The following TLK1 variants were observed in gnomAD, a reference collection of about 807,000 sequenced individuals.
The protein encoded by TLK1 is serine/threonine-protein kinase tousled-like 1.
TLK1 carries 24 observed loss-of-function variants against 105.3 expected under a neutral mutation model. The observed-to-expected ratio is 0.23, with a 90% confidence interval of 0.17 to 0.32. The LOEUF (loss-of-function observed/expected upper bound fraction) is 0.32, where lower values mean the gene tolerates loss of function less well. Ranked by LOEUF, TLK1 falls within the 10% of genes least tolerant of loss-of-function variation. The probability of loss-of-function intolerance (pLI) is 1.00; values close to 1 mark genes in which losing one functional copy is unlikely to be tolerated. For missense variants in TLK1, 558 were observed against 910.5 expected (o/e 0.61, Z 4.98); for synonymous variants, 321 against 310.4 (o/e 1.03, Z -0.36).
At chr2:171,103,328 G>A (rs958751288) in intron 2 of TLK1, among the ~76,000 whole-genome samples, 6 of 149,542 alleles carry the variant, frequency 4.0e-5, no homozygotes, top group Non-Finnish European at 7.4e-5. Context: ...AGGCTGGAGT[G>A]CAGTGGTGCA....
At chr2:171,015,690 CACACACACAT>C (rs1559343549) in intron 12 of TLK1, among the ~76,000 whole-genome samples, 4 of 3,312 alleles carry the variant, frequency 1.2e-3, no homozygotes, top group South Asian at 0.011. Flanking sequence ...TTCATTCATA[CACACACACAT>C]ATACACACAC....
At chr2:171,073,980 T>A (rs951316943) in intron 3 of TLK1, among the ~76,000 whole-genome samples, 32 of 147,818 alleles carry the variant, frequency 2.2e-4, no homozygotes, top group African/African-American at 7.7e-4. Context: ...AACCTTGGCC[T>A]CCTAGGTTCA....
chr2:171,015,733 CCACCCCT>C (rs1172443767), intron 12 of TLK1, among the ~76,000 whole-genome samples: 58 of 8,160 alleles, frequency 7.1e-3, no homozygotes, highest in African/African-American at 8.9e-3. Flanking sequence ...ACACACACAC[CCACCCCT>C]TTTTTGTCAA....
Position 171,160,614 on chromosome 2 carries a change from G to A in TLK1, c.-186C>T. On this transcript the variant is annotated 5_prime_UTR_variant, in exon 1 of 21. Transcript: ENST00000431350. The surrounding 1 kb of genome is among the most constrained non-coding windows in gnomAD (Gnocchi z 4.4). ...GGGAGGTGGGGAGGAAAGAGGTGAG[G>A]GAAGGAGAGGGGACAGGGAGGAGGG... 2.2e-6 allele frequency: 2 copies of A among 895,782 alleles called. No individual in the cohort carries two copies. Among genetic ancestry groups the A allele is most frequent in the South Asian group, 1.8e-5 (1 of 54,054 alleles). 55.5% of individuals were successfully genotyped at this position (895,782 alleles called of 1,614,324 possible).
intron 2 of TLK1, among the ~76,000 whole-genome samples, chr2:171,095,842 A>C (rs1689430578): frequency 6.6e-6 from 1 of 152,186 alleles, no homozygotes; most frequent in Non-Finnish European, 1.5e-5. Flanking sequence ...AACTCTCAAT[A>C]AACTAGGTAT....
intron 3 of TLK1, among the ~76,000 whole-genome samples, chr2:171,073,597 A>C (rs1688358823): frequency 6.6e-6 from 1 of 152,122 alleles, no homozygotes; most frequent in South Asian, 2.1e-4. Flanking sequence ...TTTCCTTCCA[A>C]GAGACTAATA....
chr2:171,063,938 TGTTTTGTTGTTTAACATACAGATTACTTA>T (rs1194295903), intron 3 of TLK1, among the ~76,000 whole-genome samples: 3 of 152,344 alleles, frequency 2.0e-5, no homozygotes, highest in East Asian at 1.9e-4. Flanking sequence ...TATTTAAGGT[TGTTTTGTTGTTTAACATACAGATTACTTA>T]GTTTTGTTGT....
chr2:171,072,009 T>G (rs985213158), intron 3 of TLK1, among the ~76,000 whole-genome samples: 1 of 152,232 alleles, frequency 6.6e-6, no homozygotes, highest in Non-Finnish European at 1.5e-5. Flanking sequence ...AGCTTTGTAG[T>G]ATAATTTGAA....
At chr2:171,167,097 TCATGGGAA>T (rs1692623141) in intron 1 of TLK1, among the ~76,000 whole-genome samples, 2 of 152,316 alleles carry the variant, frequency 1.3e-5, no homozygotes, top group East Asian at 3.9e-4. Context: ...GCACATGTGA[TCATGGGAA>T]CTCAGAGGGA....
At chr2:171,015,719 A>C (rs1685165135) in intron 12 of TLK1, among the ~76,000 whole-genome samples, 2 of 67,922 alleles carry the variant, frequency 2.9e-5, no homozygotes, top group African/African-American at 6.3e-5. Context: ...ACACACACAC[A>C]CACACACACA....
rs183262222 is a variant in TLK1 at position 171,205,344 on chromosome 2, A to T, written c.-6+25801T>A. 3.0e-3 allele frequency among the ~76,000 whole-genome samples: 460 copies of T among 151,248 alleles called. 3 individuals carry two copies. The highest frequency in any genetic ancestry group is 6.3e-3 in the South Asian group (30 of 4,784). On this transcript the variant is annotated intron_variant, in intron 1 of 20. Coordinates refer to the TLK1 transcript ENST00000521943. ...ACAGCTTTTTTTTTTTTTTCCCCCA[A>T]CAGGGTCTTGCTCTGTTACCAGGGC... is the stretch of plus-strand genomic sequence containing the variant.
At chr2:171,100,472 T>C (rs77707826) in intron 2 of TLK1, among the ~76,000 whole-genome samples, 1,671 of 152,210 alleles carry the variant, frequency 0.011, 31 homozygotes, top group African/African-American at 0.038. Flanking sequence ...TCTTCACACA[T>C]ATCCACTTCC....
rs377491942 is a variant in TLK1 at position 171,142,020 on chromosome 2, T to C, written c.139+18270A>G. ...TAGTATGTAATTCTGGAGAGGGAAA[T>C]GTACAGTTAATGTTTTCTAATGTTG... On this transcript the variant is annotated intron_variant, in intron 1 of 20. Transcript: ENST00000431350. Among the ~76,000 whole-genome samples, 71 of 152,026 alleles carry C rather than the reference T, an allele frequency of 4.7e-4. 1 individual carries two copies. The South Asian group carries it at 0.011, about 24-fold the overall frequency.
At chr2:171,031,674 A>G (rs924380561) in intron 11 of TLK1, among the ~76,000 whole-genome samples, 9 of 152,206 alleles carry the variant, frequency 5.9e-5, no homozygotes, top group African/African-American at 1.2e-4. Flanking sequence ...AACCCCAAAC[A>G]TAAGACTTGA....
At chr2:171,093,212 T>C (rs558382370) in intron 2 of TLK1, among the ~76,000 whole-genome samples, 2 of 152,294 alleles carry the variant, frequency 1.3e-5, no homozygotes, top group South Asian at 2.1e-4. Context: ...ACCATTAAAA[T>C]ATGCCACACA....
chr2:171,053,912 A>G (rs1394213457), intron 7 of TLK1, 59 bp from the exon 8 acceptor site: 1 of 1,259,806 alleles, frequency 7.9e-7, no homozygotes, highest in Non-Finnish European at 1.1e-6. Flanking sequence ...AAGCAAACAT[A>G]AAACTAGATT....
chr2:171,104,688 C>G (rs1689840771), intron 2 of TLK1, among the ~76,000 whole-genome samples: 1 of 152,190 alleles, frequency 6.6e-6, no homozygotes, highest in Non-Finnish European at 1.5e-5. Flanking sequence ...CCAGGCTGGT[C>G]TCAAACTCCT....
Position 171,049,850 on chromosome 2 carries a change from T to A in TLK1, c.944A>T (p.Gln315Leu). The A allele has an allele frequency of 6.2e-7, 1 of 1,613,964 alleles. No individual in the cohort carries two copies. Among genetic ancestry groups the A allele is most frequent in the Non-Finnish European group, 8.5e-7 (1 of 1,179,942 alleles). The change falls in exon 10 of 21, where the codon CAA becomes CTA. Residue 315 changes from glutamine (Q) to leucine (L), a missense_variant. Physicochemically the swap from Gln to Leu is moderately radical, Grantham distance 113 (BLOSUM62 -2). Coordinates refer to ENST00000431350, the MANE Select transcript of TLK1 (RefSeq NM_012290.5). ...CTGAAATGCAAAACCATCTGTCCATTGTTCAGTAAATGAAGCGCCATGTCT... is the reference window on the plus strand; with the variant it reads ...CTGAAATGCAAAACCATCTGTCCATAGTTCAGTAAATGAAGCGCCATGTCT... ...TVRHGASFTEQWTDGFAFQNL... is the reference protein window; with the variant it reads ...TVRHGASFTELWTDGFAFQNL...
rs376310078 is a variant in TLK1, at chr2:171,049,803, G to C, written c.980+11C>G. On this transcript the variant is annotated intron_variant, in intron 10 of 20. Transcript: ENST00000431350. ...AATACTAAAAACTTTTAAATGTTAA[G>C]AATGACTAACTTCACAAGATTCTGA... 1.2e-6 allele frequency: 2 copies of C among 1,612,826 alleles called. No individual in the cohort carries two copies. Among genetic ancestry groups the C allele is most frequent in the African/African-American group, 2.7e-5 (2 of 74,812 alleles).
Sources: gnomAD v4.1 joint callset for allele counts (sites outside exome capture counted in the v4.1 genomes callset) on GRCh38, gnomAD v4.1.1 for gene constraint, Gnocchi (gnomAD v3.1) non-coding constraint, MANE v1.5 for transcripts, NCBI Gene and HGNC (gene_info 2026-07-23, HGNC 2026-07-21) for gene names.